The following FOXP1 variants were observed in gnomAD, a reference collection of about 807,000 sequenced individuals.
FOXP1 encodes forkhead box P1.
In FOXP1, 15 loss-of-function variants were observed where a neutral mutation model predicts 98.2. The observed-to-expected ratio is 0.15, with a 90% CI of 0.10 to 0.24. FOXP1 has a LOEUF of 0.24. FOXP1 is among the 10% of genes least tolerant of loss of function. The pLI is 1.00. For synonymous variants in FOXP1, 371 were observed against 314.5 expected (o/e 1.18, Z -1.90); for missense variants, 633 against 848.5 (o/e 0.75, Z 3.15).
intron 3 of FOXP1, among the ~76,000 whole-genome samples, chr3:71,406,893 C>T (rs796868925): frequency 8.5e-5 from 13 of 152,104 alleles, no homozygotes; most frequent in African/African-American, 2.7e-4. Flanking sequence ...TTTACCTGCC[C>T]CTGCAACTTA....
chr3:71,533,640 C>T (rs2044045298), intron 2 of FOXP1, among the ~76,000 whole-genome samples: 3 of 152,136 alleles, frequency 2.0e-5, no homozygotes, highest in Admixed American at 1.3e-4. Flanking sequence ...TCAAATCCTT[C>T]CCCTCACTCT....
At chr3:71,079,042 G>A (rs1210370076) in intron 7 of FOXP1, among the ~76,000 whole-genome samples, 1 of 152,140 alleles carries the variant, frequency 6.6e-6, no homozygotes, top group Non-Finnish European at 1.5e-5. Flanking sequence ...TCCTGCTAAA[G>A]TCCTAAATAG....
intron 6 of FOXP1, among the ~76,000 whole-genome samples, chr3:71,152,864 C>T (rs952732147): frequency 1.3e-5 from 2 of 152,148 alleles, no homozygotes; most frequent in Non-Finnish European, 2.9e-5. Context: ...CTATTTCCAA[C>T]AACAAAAAGG....
At chr3:71,331,478 T>C (rs1483262634) in intron 4 of FOXP1, among the ~76,000 whole-genome samples, 1 of 149,672 alleles carries the variant, frequency 6.7e-6, no homozygotes, top group Admixed American at 6.7e-5. Flanking sequence ...GGCTGAGGAG[T>C]GCGGGCGCAC....
intron 20 of FOXP1, among the ~76,000 whole-genome samples, 157 bp from the exon 21 acceptor site, chr3:70,959,548 T>C (rs2106863506): frequency 6.6e-6 from 1 of 152,298 alleles, no homozygotes; most frequent in South Asian, 2.1e-4. Context: ...TAAATTGAAA[T>C]GAACGAAATC....
Position 70,954,873 on chromosome 3 carries a change from T to TCAAAA in FOXP1, c.*4369_*4373dup, listed in dbSNP as rs57959417. ...AGGAATGAGTTTCTTTTATGCCTTATCAAAACAAAACAAAACAAAACAAAA... is the reference window on the plus strand; with the variant it reads ...AGGAATGAGTTTCTTTTATGCCTTATCAAAACAAAACAAAACAAAACAAAACAAAA... On this transcript the variant is annotated 3_prime_UTR_variant, in exon 21 of 21. Coordinates refer to ENST00000649528, the MANE Select transcript of FOXP1 (RefSeq NM_001349338.3). 5,197 of 232,550 alleles carry TCAAAA rather than the reference T, an allele frequency of 0.022. 238 individuals carry two copies. Among genetic ancestry groups the TCAAAA allele is most frequent in the African/African-American group, 0.1 (4,701 of 45,250 alleles). 14.4% of individuals were successfully genotyped at this position (232,550 alleles called of 1,614,324 possible).
At chr3:71,352,366 G>A (rs998984554) in intron 4 of FOXP1, among the ~76,000 whole-genome samples, 1 of 150,544 alleles carries the variant, frequency 6.6e-6, no homozygotes, top group East Asian at 2.0e-4. Flanking sequence ...TTGGGAGGCT[G>A]AGGCAGGAGA....
At chr3:71,499,731 C>T (rs1437309871) in intron 2 of FOXP1, among the ~76,000 whole-genome samples, 1 of 152,092 alleles carries the variant, frequency 6.6e-6, no homozygotes, top group Admixed American at 6.5e-5. Context: ...GCAAATGGCA[C>T]CAAAATAGAA....
chr3:71,228,572 T>C (rs2066024698), intron 5 of FOXP1, among the ~76,000 whole-genome samples: 1 of 152,180 alleles, frequency 6.6e-6, no homozygotes, highest in South Asian at 2.1e-4. Context: ...ACAGTGGCAC[T>C]AACACAAGGA....
intron 6 of FOXP1, among the ~76,000 whole-genome samples, chr3:71,146,791 T>C (rs1370859647): frequency 6.6e-6 from 1 of 152,198 alleles, no homozygotes; most frequent in Admixed American, 6.5e-5. Flanking sequence ...ATAGAATTAA[T>C]ATCTTGGCTG....
intron 6 of FOXP1, among the ~76,000 whole-genome samples, chr3:71,138,525 C>T (rs1245493456): frequency 6.6e-6 from 1 of 152,032 alleles, no homozygotes; most frequent in Admixed American, 6.6e-5. Context: ...TTCCTCAGAC[C>T]TTAGCAGATT....
At chr3:71,116,759 T>G (rs1440918997) in intron 6 of FOXP1, among the ~76,000 whole-genome samples, 1 of 152,270 alleles carries the variant, frequency 6.6e-6, no homozygotes, top group Non-Finnish European at 1.5e-5. Context: ...CCATGATCTA[T>G]AAATCACTGT....
rs1348707138 is a variant in FOXP1 at position 70,956,137 on chromosome 3, G to A, written c.*3110C>T. 3 of 232,900 alleles carry A rather than the reference G, an allele frequency of 1.3e-5. No individual in the cohort carries two copies. Among genetic ancestry groups the A allele is most frequent in the African/African-American group, 2.2e-5 (1 of 45,276 alleles). 14.4% of individuals were successfully genotyped at this position (232,900 alleles called of 1,614,324 possible). A position where few individuals can be genotyped will look rare whatever the true frequency, so the allele number is the denominator to read the frequency against. On this transcript the variant is annotated 3_prime_UTR_variant, in exon 21 of 21. Coordinates refer to ENST00000649528, the MANE Select transcript of FOXP1 (RefSeq NM_001349338.3). ...AGCAAAGGTGTTTTGACAAACAGGT[G>A]TATGCATTTATTCCTTTTTAGGAAC...
intron 7 of FOXP1, among the ~76,000 whole-genome samples, chr3:71,109,227 C>A (rs1041241605): frequency 2.6e-5 from 4 of 152,182 alleles, no homozygotes; most frequent in African/African-American, 9.7e-5. Context: ...ACTCTCATCT[C>A]CCTGAAATTA....
chr3:71,583,644 C>A lies in FOXP1; in HGVS notation c.-520G>T. ...CCCCGCGCGCGCCCACTCCCGCCCGCGCGCGCACCCCGCGCACACACTCAC... is the reference window on the plus strand; with the variant it reads ...CCCCGCGCGCGCCCACTCCCGCCCGAGCGCGCACCCCGCGCACACACTCAC... On this transcript the variant is annotated 5_prime_UTR_variant, in exon 1 of 21. Transcript: ENST00000649528. 3.0e-6 allele frequency: 3 copies of A among 984,410 alleles called. No individual in the cohort carries two copies. Among genetic ancestry groups the A allele is most frequent in the Non-Finnish European group, 3.6e-6 (3 of 829,612 alleles). 61.0% of individuals were successfully genotyped at this position (984,410 alleles called of 1,614,324 possible).
chr3:71,165,247 T>TTA (rs1237927903), intron 6 of FOXP1, among the ~76,000 whole-genome samples: 36 of 136,538 alleles, frequency 2.6e-4, no homozygotes, highest in African/African-American at 7.4e-4. Context: ...TATTTTTTTG[T>TTA]AAAAAAAAAA....
chr3:71,532,787 A>T (rs893214128), intron 2 of FOXP1, among the ~76,000 whole-genome samples: 6 of 152,194 alleles, frequency 3.9e-5, no homozygotes, highest in African/African-American at 1.4e-4. Context: ...CAGAGAACAG[A>T]AAGTGCCGTA....
At chr3:71,413,115 A>AAC (rs139681534) in intron 3 of FOXP1, among the ~76,000 whole-genome samples, 58,772 of 143,634 alleles carry the variant, frequency 0.41, 13,410 homozygotes, top group Non-Finnish European at 0.53. Flanking sequence ...ATTCAGCTAA[A>AAC]ACACACACAC....
intron 6 of FOXP1, among the ~76,000 whole-genome samples, chr3:71,164,350 C>A (rs1215795607): frequency 2.0e-5 from 3 of 152,114 alleles, no homozygotes; most frequent in Non-Finnish European, 2.9e-5. Flanking sequence ...CAGGCGCCCG[C>A]CACCACGCCC....
Sources: allele counts gnomAD v4.1 joint callset (sites outside exome capture counted in the v4.1 genomes callset), GRCh38; gene constraint gnomAD v4.1.1; transcripts MANE v1.5; gene names NCBI Gene and HGNC (gene_info 2026-07-23, HGNC 2026-07-21).